Variants in BLTP1 observed in about 807,000 individuals in gnomAD.
BLTP1 encodes the protein bridge-like lipid transfer protein family member 1.
chr4:122,315,732 C>T, the BLTP1 span: 2 of 1,577,976 alleles, frequency 1.3e-6, no homozygotes, highest in African/African-American at 1.3e-5. Flanking sequence ...TGGCTTTTAC[C>T]CTGAGACAGG....
chr4:122,241,582 A>G, the BLTP1 span, among the ~76,000 whole-genome samples: 1 of 152,202 alleles, frequency 6.6e-6, no homozygotes, highest in Non-Finnish European at 1.5e-5. Flanking sequence ...ATGATGGGAC[A>G]TGATACATGG....
the BLTP1 span, chr4:122,353,695 C>G: frequency 6.7e-6 from 8 of 1,202,250 alleles, no homozygotes; most frequent in South Asian, 1.5e-4. The surrounding 1 kb of genome is among the most constrained non-coding windows in gnomAD (Gnocchi z 4.3). Flanking sequence ...CTCATTTATT[C>G]TTCATTTTTA....
the BLTP1 span, chr4:122,179,990 TC>T: frequency 1.0e-6 from 1 of 982,982 alleles, no homozygotes; most frequent in Non-Finnish European, 1.2e-6. Flanking sequence ...AGGCACTTCT[TC>T]CAAAGGCATC....
At chr4:122,271,533 G>C in the BLTP1 span, 1 of 1,613,432 alleles carries the variant, frequency 6.2e-7, no homozygotes. Flanking sequence ...AAAGTGTCTA[G>C]GAAAGGTTCA....
the BLTP1 span, chr4:122,161,261 A>ATT: frequency 3.4e-6 from 1 of 295,450 alleles, no homozygotes; most frequent in Non-Finnish European, 5.0e-6. Flanking sequence ...GTACGATTAA[A>ATT]TTTTTTTTTT....
At chr4:122,318,689 T>G in the BLTP1 span, among the ~76,000 whole-genome samples, 1 of 152,218 alleles carries the variant, frequency 6.6e-6, no homozygotes, top group Non-Finnish European at 1.5e-5. Context: ...TGTCAGCTAC[T>G]GTGCATTGTA....
chr4:122,307,889 A>T, the BLTP1 span: 1 of 1,562,048 alleles, frequency 6.4e-7, no homozygotes, highest in Admixed American at 2.0e-5. Flanking sequence ...GTTTTACTTA[A>T]CATATAGATT....
chr4:122,264,642 A>G, the BLTP1 span, among the ~76,000 whole-genome samples: 5 of 152,226 alleles, frequency 3.3e-5, no homozygotes, highest in Non-Finnish European at 5.9e-5. Context: ...TAAATAGAAG[A>G]GTCTCATATA....
chr4:122,153,904 C>A, the BLTP1 span: 3 of 655,824 alleles, frequency 4.6e-6, no homozygotes, highest in Non-Finnish European at 5.7e-6. Flanking sequence ...TAATATTGGA[C>A]TAAAAGAGTT....
At chr4:122,184,815 T>C in the BLTP1 span, 1 of 985,304 alleles carries the variant, frequency 1.0e-6, no homozygotes, top group Non-Finnish European at 1.2e-6. Context: ...CTCAGAATAT[T>C]GTATGACAAA....
At chr4:122,243,673 C>T in the BLTP1 span, 1 of 427,046 alleles carries the variant, frequency 2.3e-6, no homozygotes, top group African/African-American at 2.2e-5. Flanking sequence ...GCTGAGATCG[C>T]ACCACTGCAC....
At chr4:122,184,797 C>G in the BLTP1 span, 1 of 985,344 alleles carries the variant, frequency 1.0e-6, no homozygotes, top group Non-Finnish European at 1.2e-6. Context: ...ATGCCCATTT[C>G]ATACTCTCTC....
At chr4:122,157,998 G>A in the BLTP1 span, among the ~76,000 whole-genome samples, 1 of 152,086 alleles carries the variant, frequency 6.6e-6, no homozygotes, top group Non-Finnish European at 1.5e-5. Context: ...TATCAGGTGA[G>A]GGTTCCTGAT....
chr4:122,326,998 C>A, the BLTP1 span, among the ~76,000 whole-genome samples: 1 of 151,818 alleles, frequency 6.6e-6, no homozygotes, highest in South Asian at 2.1e-4. Context: ...TAACAAATTG[C>A]ACATAAATTA....
At chr4:122,247,380 T>G in the BLTP1 span, 1 of 1,611,014 alleles carries the variant, frequency 6.2e-7, no homozygotes, top group Non-Finnish European at 8.5e-7. Flanking sequence ...AACAAATATG[T>G]TTTTTCTTGG....
the BLTP1 span, among the ~76,000 whole-genome samples, chr4:122,345,264 A>T: frequency 3.3e-5 from 5 of 152,140 alleles, no homozygotes; most frequent in African/African-American, 4.8e-5. Flanking sequence ...AATAAATGCT[A>T]TAATGGAGCT....
the BLTP1 span, chr4:122,153,953 A>G: frequency 1.0e-6 from 1 of 967,784 alleles, no homozygotes; most frequent in Non-Finnish European, 1.2e-6. Flanking sequence ...GAAATCATAT[A>G]ATCAGAAATG....
At chr4:122,184,340 A>G in the BLTP1 span, among the ~76,000 whole-genome samples, 1 of 152,172 alleles carries the variant, frequency 6.6e-6, no homozygotes. Flanking sequence ...GCAGTTGCTA[A>G]GAAAAAAAGT....
the BLTP1 span, chr4:122,214,601 T>C: frequency 1.2e-6 from 1 of 857,726 alleles, no homozygotes. Context: ...CTATTTTTTT[T>C]TTTTTCAGTA....
Sources: gnomAD v4.1 joint callset for allele counts (sites outside exome capture counted in the v4.1 genomes callset) on GRCh38, gnomAD v4.1.1 for gene constraint, Gnocchi (gnomAD v3.1) non-coding constraint, MANE v1.5 for transcripts, NCBI Gene and HGNC (gene_info 2026-07-23, HGNC 2026-07-21) for gene names.